The following CUX1 variants were observed in gnomAD, a reference collection of about 807,000 sequenced individuals.
CUX1 encodes cut like homeobox 1.
In CUX1, 31 loss-of-function variants were observed where a neutral mutation model predicts 158.8. The ratio of observed to expected loss-of-function variants is 0.20; its 90% CI spans 0.15 to 0.26. CUX1 has a LOEUF of 0.26. Among genes scored for constraint, CUX1 ranks in the 10% least tolerant of loss-of-function variants. The probability of loss-of-function intolerance (pLI) is 1.00; values close to 1 mark genes in which losing one functional copy is unlikely to be tolerated. For missense variants in CUX1, 1,589 were observed against 2,014.6 expected (o/e 0.79, Z 4.04); for synonymous variants, 879 against 862.1 (o/e 1.02, Z -0.34).
chr7:102,281,247 G>A (rs1383977751), intron 20 of CUX1, among the ~76,000 whole-genome samples: 3 of 152,104 alleles, frequency 2.0e-5, no homozygotes, highest in Non-Finnish European at 2.9e-5. Flanking sequence ...GTGTGCACCT[G>A]TAGTCCCAGC....
intron 10 of CUX1, among the ~76,000 whole-genome samples, chr7:102,175,436 C>T (rs1462103959): frequency 6.6e-6 from 1 of 152,154 alleles, no homozygotes; most frequent in East Asian, 1.9e-4. Context: ...GACTGACCTC[C>T]CTACATGTCA....
At chr7:101,848,645 C>T (rs1250500380) in intron 1 of CUX1, among the ~76,000 whole-genome samples, 2 of 151,970 alleles carry the variant, frequency 1.3e-5, no homozygotes, top group South Asian at 2.1e-4. Flanking sequence ...GAGTGAGGCT[C>T]CATCTATGGA....
intron 2 of CUX1, among the ~76,000 whole-genome samples, chr7:101,944,197 C>T (rs879429377): frequency 3.3e-5 from 5 of 152,076 alleles, no homozygotes; most frequent in East Asian, 1.9e-4. Flanking sequence ...CAGAAAGGGG[C>T]GCAGTGGGCT....
Position 102,217,650 on chromosome 7 carries a change from A to ATGCG in CUX1, c.3131-9717_3131-9716insTGCG, listed in dbSNP as rs1563428693. ...CTAGAGGGAGGGAGGCTCTGGATGG[A>ATGCG]AGCAATGGTGTCTAGAGGGAGGGAG... On this transcript the variant is annotated intron_variant, in intron 20 of 23. Transcript: ENST00000292535. Among the ~76,000 whole-genome samples, 3 of 150,350 alleles carry ATGCG rather than the reference A, an allele frequency of 2.0e-5. 1 individual carries two copies. The highest frequency in any genetic ancestry group is 4.4e-5 in the Non-Finnish European group (3 of 67,498).
intron 1 of CUX1, among the ~76,000 whole-genome samples, chr7:101,901,656 C>T (rs1278105436): frequency 4.6e-5 from 7 of 152,208 alleles, no homozygotes; most frequent in East Asian, 1.9e-4. Context: ...CCCAGCTGTA[C>T]GTTCCCAGGG....
At chr7:102,193,654 A>T (rs1794501100) in intron 12 of CUX1, among the ~76,000 whole-genome samples, 188 bp from the exon 13 acceptor site, 1 of 152,178 alleles carries the variant, frequency 6.6e-6, no homozygotes, top group East Asian at 1.9e-4. Flanking sequence ...GAAATACAAA[A>T]ATTAGCTGGG....
intron 2 of CUX1, among the ~76,000 whole-genome samples, chr7:101,950,752 C>T (rs982181472): frequency 2.6e-5 from 4 of 151,950 alleles, no homozygotes; most frequent in Non-Finnish European, 5.9e-5. Flanking sequence ...GGTCTCACTA[C>T]GTTGGCCAGG....
At chr7:102,215,132 T>G (rs939151836) in intron 20 of CUX1, among the ~76,000 whole-genome samples, 5 of 152,102 alleles carry the variant, frequency 3.3e-5, no homozygotes, top group African/African-American at 1.2e-4. Context: ...AAGGTCAATT[T>G]TGTTCCATGT....
At chr7:101,922,537 CTTAG>C (rs1016812893) in intron 2 of CUX1, among the ~76,000 whole-genome samples, 2 of 152,200 alleles carry the variant, frequency 1.3e-5, no homozygotes, top group African/African-American at 4.8e-5. Context: ...TCCATGCAGC[CTTAG>C]TTTAGAACAC....
In CUX1 at chr7:102,278,012, G is replaced by A. The variant is rs781903195; in HGVS notation, c.1627G>A (p.Asp543Asn). 5 of 1,584,240 alleles carry A rather than the reference G, an allele frequency of 3.2e-6. No individual in the cohort carries two copies. The highest frequency in any genetic ancestry group is 1.7e-5 in the Admixed American group (1 of 58,496). ...GAGTGAGCTGGACAGCCTGCGCGCCGACAACATCAAGCTCTTTGAGAAGAT... is the reference window on the plus strand; with the variant it reads ...GAGTGAGCTGGACAGCCTGCGCGCCAACAACATCAAGCTCTTTGAGAAGAT... The change falls in exon 18 of 23, where the codon GAC (aspartate) becomes AAC (asparagine). Residue 543 changes from aspartate to asparagine, a missense_variant. Coordinates refer to the CUX1 transcript ENST00000292538.
At chr7:102,219,708 G>A (rs1333113756) in intron 20 of CUX1, among the ~76,000 whole-genome samples, 6 of 152,208 alleles carry the variant, frequency 3.9e-5, no homozygotes, top group African/African-American at 1.4e-4. Context: ...AACGTCCAGT[G>A]GCCCAGGAAG....
rs150355385 is a variant in CUX1, at chr7:102,273,154, G to A, written c.1256-212G>A. 7.3e-4 allele frequency among the ~76,000 whole-genome samples: 111 copies of A among 152,346 alleles called. 1 individual carries two copies. The East Asian group carries it at 0.017, about 24-fold the overall frequency. On this transcript the variant is annotated intron_variant, in intron 14 of 22. Coordinates refer to the CUX1 transcript ENST00000292538. ...ATCCAGAGAGTGCTTGGGGCCAGGA[G>A]TGCCTCTGACAGTCAGGGAGGGCTT... is the stretch of plus-strand genomic sequence containing the variant.
At chr7:101,935,245 C>T (rs1806778603) in intron 2 of CUX1, among the ~76,000 whole-genome samples, 1 of 152,192 alleles carries the variant, frequency 6.6e-6, no homozygotes. Flanking sequence ...CCCCACTCTG[C>T]CCGCCAGAGA....
chr7:101,918,051 G>T (rs897411573), intron 2 of CUX1, among the ~76,000 whole-genome samples: 2 of 152,188 alleles, frequency 1.3e-5, no homozygotes, highest in African/African-American at 2.4e-5. Flanking sequence ...AAATCTTAGA[G>T]GGGCAAGGCC....
intron 1 of CUX1, among the ~76,000 whole-genome samples, chr7:101,881,572 G>A (rs768452525): frequency 6.6e-6 from 1 of 152,160 alleles, no homozygotes; most frequent in Non-Finnish European, 1.5e-5. Context: ...ATCTGTTCCC[G>A]TCCAATATGA....
chr7:101,870,882 G>A (rs962754575), intron 1 of CUX1, among the ~76,000 whole-genome samples: 2 of 152,240 alleles, frequency 1.3e-5, no homozygotes, highest in Admixed American at 6.5e-5. Context: ...TATGAAGTCT[G>A]TAAATAAATA....
At position 101,976,900 on chromosome 7, in the gene CUX1, A is replaced by ATTTTTTTTTTTTTTTTTTTT. The variant is rs10643207; in HGVS notation, c.142-51189_142-51170dup. 1.0e-4 allele frequency among the ~76,000 whole-genome samples: 4 copies of ATTTTTTTTTTTTTTTTTTTT among 39,460 alleles called. 1 individual carries two copies. Among genetic ancestry groups the ATTTTTTTTTTTTTTTTTTTT allele is most frequent in the African/African-American group, 2.2e-4 (2 of 9,028 alleles). 25.9% of individuals were successfully genotyped at this position (39,460 alleles called of 152,430 possible). A position where few individuals can be genotyped will look rare whatever the true frequency, so the allele number is the denominator to read the frequency against. ...ATTTGAATAGTCTTTTCCCTTTCTG[A>ATTTTTTTTTTTTTTTTTTTT]TTTTTTTTTTTTTTTTTTTTTTTTT... On this transcript the variant is annotated intron_variant, in intron 2 of 23. Transcript: ENST00000292535.
At chr7:101,995,780 A>C (rs1815781211) in intron 2 of CUX1, among the ~76,000 whole-genome samples, 2 of 152,176 alleles carry the variant, frequency 1.3e-5, no homozygotes, top group African/African-American at 4.8e-5. Flanking sequence ...AGTGGGAAGC[A>C]GCTTGCAGGA....
At chr7:101,932,427 G>A (rs1806393850) in intron 2 of CUX1, 1 of 375,662 alleles carries the variant, frequency 2.7e-6, no homozygotes, top group South Asian at 2.0e-5. Context: ...CCAGGAATAC[G>A]CGCAGAGATG....
Sources: allele counts gnomAD v4.1 joint callset (sites outside exome capture counted in the v4.1 genomes callset), GRCh38; gene constraint gnomAD v4.1.1; transcripts MANE v1.5; gene names NCBI Gene and HGNC (gene_info 2026-07-23, HGNC 2026-07-21).